Variants in FHOD3 observed in about 807,000 individuals in gnomAD.
The protein encoded by FHOD3 is formin homology 2 domain containing 3, also known as FH1/FH2 domain-containing protein 3.
In FHOD3, 90 loss-of-function variants were observed where a neutral mutation model predicts 173.0. That is an observed-to-expected ratio of 0.52 (90% CI 0.44 to 0.62). FHOD3 has a LOEUF of 0.62. Among genes scored for constraint, FHOD3 ranks in the 20% least tolerant of loss-of-function variants. FHOD3 has a pLI of 0.00. For missense variants in FHOD3, 1,945 were observed against 2,034.7 expected, an observed-to-expected ratio of 0.96 and a Z score of 0.85; for synonymous variants, 828 against 823.0, an observed-to-expected ratio of 1.01 and a Z score of -0.10.
intron 5 of FHOD3, among the ~76,000 whole-genome samples, chr18:36,555,098 C>A (rs1219527440): frequency 2.0e-5 from 3 of 152,074 alleles, no homozygotes; most frequent in African/African-American, 7.2e-5. Flanking sequence ...GATTAACCAG[C>A]TCTTATTTTT....
intron 28 of FHOD3, among the ~76,000 whole-genome samples, chr18:36,774,478 A>C (rs907764723): frequency 6.6e-6 from 1 of 152,150 alleles, no homozygotes; most frequent in Non-Finnish European, 1.5e-5. Flanking sequence ...CAGTGATTTA[A>C]GTGAGGGGCC....
At chr18:36,698,206 A>G (rs1218765828) in intron 17 of FHOD3, among the ~76,000 whole-genome samples, 1 of 152,172 alleles carries the variant, frequency 6.6e-6, no homozygotes, top group South Asian at 2.1e-4. Context: ...TCAATTGGAC[A>G]AAATCTTTCA....
At chr18:36,327,602 G>A (rs919741554) in intron 1 of FHOD3, among the ~76,000 whole-genome samples, 4 of 152,216 alleles carry the variant, frequency 2.6e-5, no homozygotes, top group African/African-American at 9.6e-5. Context: ...GAACAGCAGT[G>A]TAGGGCACTG....
intron 14 of FHOD3, among the ~76,000 whole-genome samples, chr18:36,678,079 G>A (rs987169287): frequency 6.6e-6 from 1 of 152,028 alleles, no homozygotes; most frequent in African/African-American, 2.4e-5. Context: ...CTTTATAGAT[G>A]GTCAGATTAT....
chr18:36,461,082 C>T (rs1203949043), intron 3 of FHOD3, among the ~76,000 whole-genome samples: 1 of 152,100 alleles, frequency 6.6e-6, no homozygotes, highest in Admixed American at 6.6e-5. Flanking sequence ...GGCAGGGGAT[C>T]CCTTGCAGAG....
chr18:36,607,832 C>T (rs2032245845), intron 8 of FHOD3, among the ~76,000 whole-genome samples: 1 of 152,176 alleles, frequency 6.6e-6, no homozygotes, highest in Non-Finnish European at 1.5e-5. Flanking sequence ...CAAGTTCTTG[C>T]CACTTTAAAA....
intron 5 of FHOD3, among the ~76,000 whole-genome samples, chr18:36,542,872 G>T (rs1278521117): frequency 3.3e-5 from 5 of 152,162 alleles, no homozygotes; most frequent in Non-Finnish European, 7.4e-5. Flanking sequence ...GGGTGCATTA[G>T]CTCCCTGTGA....
In FHOD3 at chr18:36,760,652, G is replaced by C. The variant is rs756746339; in HGVS notation, c.4494G>C (p.Pro1498=). The change falls in exon 27 of 29, where the codon CCG becomes CCC. Residue 1498 remains proline, a synonymous_variant. Transcript: ENST00000590592. ...GTTCTCCGGCGCCCCCAAGCCAGCC[G>C]CAGGGTCTGAGCTATGCGGAGGACG... ...SGSSPAPPSQ[P]QGLSYAEDAA... is the part of the protein sequence containing the mutation. 6.3e-7 allele frequency: 1 copy of C among 1,597,270 alleles called. No individual in the cohort carries two copies. The highest frequency in any genetic ancestry group is 1.1e-5 in the South Asian group (1 of 89,272).
chr18:36,630,905 A>G (rs2034466039), intron 10 of FHOD3, among the ~76,000 whole-genome samples: 1 of 152,256 alleles, frequency 6.6e-6, no homozygotes, highest in Non-Finnish European at 1.5e-5. Flanking sequence ...ATAAGGATAT[A>G]TAAATGGGTC....
At chr18:36,353,076 C>T (rs1447381222) in intron 1 of FHOD3, among the ~76,000 whole-genome samples, 1 of 152,174 alleles carries the variant, frequency 6.6e-6, no homozygotes, top group African/African-American at 2.4e-5. Context: ...GTGTGTTTCC[C>T]CAAAACCCTG....
intron 1 of FHOD3, among the ~76,000 whole-genome samples, chr18:36,330,215 T>C (rs897680443): frequency 2.6e-5 from 4 of 152,214 alleles, no homozygotes; most frequent in Non-Finnish European, 5.9e-5. Context: ...TCTTTGGCAG[T>C]GACCCCTAAC....
intron 3 of FHOD3, among the ~76,000 whole-genome samples, chr18:36,404,493 A>G (rs2048968963): frequency 6.6e-6 from 1 of 152,220 alleles, no homozygotes; most frequent in Non-Finnish European, 1.5e-5. Context: ...GTAGAATAGT[A>G]TGCATGCATA....
intron 3 of FHOD3, among the ~76,000 whole-genome samples, chr18:36,459,665 AT>A (rs202176548): frequency 5.3e-5 from 8 of 151,394 alleles, no homozygotes; most frequent in African/African-American, 1.9e-4. Flanking sequence ...GAGCATTTTG[AT>A]TTTTTTTTCA....
In FHOD3 at chr18:36,681,571, G is replaced by A; in HGVS notation, c.1970+1G>A. The A allele has an allele frequency of 6.2e-7, 1 of 1,611,458 alleles. No homozygotes were observed. Reference sequence around the variant, plus strand: ...AGCGGGAAGAAAGAAACAAATTCAGGTAAGAAGGATCTTAAGATTTTTTTT... The same window carrying A: ...AGCGGGAAGAAAGAAACAAATTCAGATAAGAAGGATCTTAAGATTTTTTTT... On this transcript the variant is annotated splice_donor_variant, in intron 15 of 28. Coordinates refer to ENST00000590592, the MANE Select transcript of FHOD3 (RefSeq NM_001281740.3). LOFTEE classifies it high-confidence loss of function.
At chr18:36,636,656 GTTT>G (rs34551927) in intron 10 of FHOD3, among the ~76,000 whole-genome samples, 1 of 141,974 alleles carries the variant, frequency 7.0e-6, no homozygotes, top group Non-Finnish European at 1.5e-5. Flanking sequence ...CATTCCTGAG[GTTT>G]TTTTTTTTTT....
intron 3 of FHOD3, among the ~76,000 whole-genome samples, chr18:36,480,523 T>G (rs1190088982): frequency 6.6e-6 from 1 of 152,228 alleles, no homozygotes; most frequent in Non-Finnish European, 1.5e-5. Context: ...ATTATTGACA[T>G]TGACAAATAT....
intron 9 of FHOD3, among the ~76,000 whole-genome samples, chr18:36,621,574 C>G (rs2033711657): frequency 6.6e-6 from 1 of 152,190 alleles, no homozygotes; most frequent in Admixed American, 6.5e-5. Flanking sequence ...GCCCACATGT[C>G]TTCCCATGAT....
At chr18:36,670,608 C>A (rs2037469924) in intron 14 of FHOD3, among the ~76,000 whole-genome samples, 1 of 152,166 alleles carries the variant, frequency 6.6e-6, no homozygotes, top group Non-Finnish European at 1.5e-5. Flanking sequence ...ATAGTCATAA[C>A]TGTTTTATCA....
intron 21 of FHOD3, 134 bp downstream of exon 21, chr18:36,740,972 G>A: frequency 1.2e-6 from 1 of 841,792 alleles, no homozygotes; most frequent in Non-Finnish European, 1.7e-6. Flanking sequence ...ACAATGAGGA[G>A]GTCGTGTGTA....
Sources: allele counts gnomAD v4.1 joint callset (sites outside exome capture counted in the v4.1 genomes callset), GRCh38; gene constraint gnomAD v4.1.1; transcripts MANE v1.5; gene names NCBI Gene and HGNC (gene_info 2026-07-23, HGNC 2026-07-21).